PAG1: variants seen among roughly 807,000 people sequenced by gnomAD.
PAG1 encodes the protein phosphoprotein associated with glycosphingolipid-enriched microdomains 1.
PAG1 carries 23 observed loss-of-function variants against 31.7 expected under a neutral mutation model. The observed-to-expected ratio is 0.73, with a 90% CI of 0.52 to 1.03. PAG1 has a LOEUF of 1.03. Ranked by LOEUF, PAG1 falls within the 50% of genes least tolerant of loss-of-function variation. The pLI is 0.00. For missense variants in PAG1, 473 were observed against 540.7 expected, an observed-to-expected ratio of 0.87 and a Z score of 1.24; for synonymous variants, 214 against 210.3, an observed-to-expected ratio of 1.02 and a Z score of -0.15.
chr8:81,111,299 C>G (rs1809769572), intron 1 of PAG1, among the ~76,000 whole-genome samples: 1 of 152,194 alleles, frequency 6.6e-6, no homozygotes, highest in Non-Finnish European at 1.5e-5. Flanking sequence ...AACGTAAACA[C>G]AGAGTCAAGG....
At chr8:81,020,704 G>C (rs190555328) in intron 3 of PAG1, among the ~76,000 whole-genome samples, 124 of 152,254 alleles carry the variant, frequency 8.1e-4, no homozygotes, top group Non-Finnish European at 1.6e-4. Flanking sequence ...CGTGGCAATA[G>C]GGTTCCTTTT....
intron 1 of PAG1, among the ~76,000 whole-genome samples, chr8:81,099,519 T>C (rs1447984265): frequency 2.0e-5 from 3 of 152,156 alleles, no homozygotes; most frequent in Non-Finnish European, 2.9e-5. Context: ...CTGTAGCATG[T>C]GTATGGTACA....
intron 5 of PAG1, among the ~76,000 whole-genome samples, 195 bp downstream of exon 5, chr8:80,991,284 A>G (rs1478264662): frequency 6.6e-6 from 1 of 152,210 alleles, no homozygotes; most frequent in Non-Finnish European, 1.5e-5. Flanking sequence ...CCATCCCTGC[A>G]GTAGGTTGGA....
chr8:81,090,714 G>T (rs1809430510), intron 1 of PAG1, among the ~76,000 whole-genome samples: 1 of 152,222 alleles, frequency 6.6e-6, no homozygotes, highest in South Asian at 2.1e-4. Flanking sequence ...GAACTCTAGG[G>T]AGTGGTTTAT....
intron 3 of PAG1, among the ~76,000 whole-genome samples, chr8:80,994,497 C>T (rs1807630739): frequency 6.6e-6 from 1 of 152,144 alleles, no homozygotes. Context: ...ACTGTTAATC[C>T]CCCTTTTACA....
chr8:81,103,154 GA>G (rs34583693), intron 1 of PAG1, among the ~76,000 whole-genome samples: 17,906 of 61,328 alleles, frequency 0.29, 2,171 homozygotes, highest in African/African-American at 0.41. Context: ...CATTTTGTGG[GA>G]AAAAAAAAAA....
At chr8:81,018,769 T>C (rs1808113878) in intron 3 of PAG1, among the ~76,000 whole-genome samples, 1 of 152,228 alleles carries the variant, frequency 6.6e-6, no homozygotes, top group Non-Finnish European at 1.5e-5. Context: ...TTACCCAGTC[T>C]GGTGCATGTC....
intron 3 of PAG1, among the ~76,000 whole-genome samples, chr8:81,008,469 G>A (rs1481642815): frequency 6.6e-6 from 1 of 151,098 alleles, no homozygotes; most frequent in African/African-American, 2.4e-5. Flanking sequence ...ACACCAAGAT[G>A]TATGACTACA....
In PAG1 at chr8:81,075,122, T is replaced by G. The variant is rs2130989505; in HGVS notation, c.-233-4952A>C. On this transcript the variant is annotated intron_variant, in intron 1 of 8. Transcript: ENST00000220597. ...AGAGAGAAGGCAACCAGATACTTAG[T>G]GTCCTCAATTCAGCCTGTGTAATTC... Among the ~76,000 whole-genome samples the G allele has an allele frequency of 2.0e-5, 3 of 152,354 alleles. 1 individual carries two copies. In the South Asian group the frequency reaches 6.2e-4, roughly 32 times the overall value.
intron 1 of PAG1, among the ~76,000 whole-genome samples, chr8:81,108,443 T>C (rs1563434062): frequency 6.6e-6 from 1 of 152,210 alleles, no homozygotes; most frequent in Non-Finnish European, 1.5e-5. Flanking sequence ...GATTTTTTTT[T>C]TAAAGCCAAC....
intron 6 of PAG1, 26 bp from the exon 7 acceptor site, chr8:80,985,403 G>A (rs754019353): frequency 2.1e-5 from 33 of 1,566,230 alleles, no homozygotes; most frequent in South Asian, 1.5e-4. Flanking sequence ...CATTAAAAGC[G>A]GAGAAAGGCA....
At chr8:80,995,971 A>C (rs1413536367) in intron 3 of PAG1, among the ~76,000 whole-genome samples, 1 of 152,124 alleles carries the variant, frequency 6.6e-6, no homozygotes, top group African/African-American at 2.4e-5. Flanking sequence ...CTCCTGGCTC[A>C]CTCCCCTTCA....
intron 2 of PAG1, among the ~76,000 whole-genome samples, chr8:81,031,155 A>G (rs1197677976): frequency 1.3e-5 from 2 of 152,226 alleles, no homozygotes; most frequent in Admixed American, 1.3e-4. Flanking sequence ...TATTTATATT[A>G]TCTTGAGGTA....
intron 1 of PAG1, among the ~76,000 whole-genome samples, chr8:81,104,670 G>C (rs898108597): frequency 6.6e-6 from 1 of 151,996 alleles, no homozygotes; most frequent in South Asian, 2.1e-4. Context: ...CAATTCCCAA[G>C]CCAGACACCT....
intron 2 of PAG1, among the ~76,000 whole-genome samples, chr8:81,034,268 T>C (rs955268534): frequency 2.6e-5 from 4 of 152,222 alleles, no homozygotes; most frequent in African/African-American, 9.6e-5. Context: ...TCACAGTGCT[T>C]GGAATATAGT....
At chr8:81,055,208 A>G (rs1011503608) in intron 2 of PAG1, among the ~76,000 whole-genome samples, 3 of 151,764 alleles carry the variant, frequency 2.0e-5, no homozygotes, top group Admixed American at 6.6e-5. Flanking sequence ...GGACTACAGG[A>G]ATGTACCACC....
chr8:81,044,091 A>C (rs984448564), intron 2 of PAG1, among the ~76,000 whole-genome samples: 3 of 152,192 alleles, frequency 2.0e-5, no homozygotes, highest in African/African-American at 7.2e-5. Flanking sequence ...CATCCTCCAC[A>C]CAACTCTCCA....
In PAG1 at chr8:81,092,080, C is replaced by T. The variant is rs769308430; in HGVS notation, c.-234+19511G>A. On this transcript the variant is annotated intron_variant, in intron 1 of 8. Coordinates refer to ENST00000220597, the MANE Select transcript of PAG1 (RefSeq NM_018440.4). ...AATAAAAGTAAATCCAGGCTGGGTG[C>T]AATGGCTCACACCTGTAACCCCAAC... Among the ~76,000 whole-genome samples, 8 of 147,312 alleles carry T rather than the reference C, an allele frequency of 5.4e-5. No individual in the cohort carries two copies. In the South Asian group the frequency reaches 6.4e-4, roughly 12 times the overall value.
chr8:81,110,927 G>A (rs1809763350), intron 1 of PAG1, among the ~76,000 whole-genome samples: 1 of 152,232 alleles, frequency 6.6e-6, no homozygotes, highest in South Asian at 2.1e-4. Flanking sequence ...TTATCCAGCC[G>A]GGAGGCTTAC....
Sources: allele counts gnomAD v4.1 joint callset (sites outside exome capture counted in the v4.1 genomes callset), GRCh38; gene constraint gnomAD v4.1.1; transcripts MANE v1.5; gene names NCBI Gene and HGNC (gene_info 2026-07-23, HGNC 2026-07-21).